Variants in RBM5 observed in about 807,000 individuals in gnomAD.
The protein encoded by RBM5 is RNA-binding protein 5.
RBM5 carries 15 observed loss-of-function variants against 124.6 expected under a neutral mutation model. That is an observed-to-expected ratio of 0.12 (90% CI 0.08 to 0.19). The LOEUF is 0.19. Ranked by LOEUF, RBM5 falls within the 10% of genes least tolerant of loss-of-function variation. The pLI, the probability that RBM5 is intolerant of heterozygous loss-of-function variation, is 1.00. For missense variants in RBM5, 580 were observed against 1,026.5 expected, an observed-to-expected ratio of 0.57 and a Z score of 5.94; for synonymous variants, 337 against 361.2, an observed-to-expected ratio of 0.93 and a Z score of 0.76.
chr3:50,095,547 C>T (rs1189513541), intron 4 of RBM5, among the ~76,000 whole-genome samples: 2 of 151,930 alleles, frequency 1.3e-5, no homozygotes, highest in African/African-American at 2.4e-5. Context: ...CCCTTCCTTC[C>T]AGCCACACCC....
intron 18 of RBM5, 111 bp downstream of exon 18, chr3:50,113,655 A>G: frequency 3.7e-5 from 45 of 1,221,908 alleles, no homozygotes; most frequent in Non-Finnish European, 5.0e-5. Flanking sequence ...TGGGCTTCAC[A>G]TTTTATTCAT....
intron 9 of RBM5, 103 bp downstream of exon 9, chr3:50,105,245 A>G (rs2091007362): frequency 7.4e-6 from 7 of 950,456 alleles, no homozygotes; most frequent in Admixed American, 7.0e-5. Flanking sequence ...TGTCTCTACT[A>G]AAAATACAAA....
chr3:50,092,333 G>A (rs1345039934), intron 3 of RBM5, 125 bp downstream of exon 3: 13 of 1,046,650 alleles, frequency 1.2e-5, no homozygotes, highest in Admixed American at 5.5e-5. Context: ...AGGCCAAGGC[G>A]GCCAGATCAC....
chr3:50,094,622 G>A (rs1173693154), intron 4 of RBM5, among the ~76,000 whole-genome samples: 1 of 152,116 alleles, frequency 6.6e-6, no homozygotes, highest in African/African-American at 2.4e-5. Flanking sequence ...GTAGCTGGCA[G>A]GTGCATGCCA....
intron 9 of RBM5, 40 bp downstream of exon 9, chr3:50,105,182 T>C (rs2091006301): frequency 1.4e-6 from 2 of 1,478,490 alleles, no homozygotes; most frequent in African/African-American, 1.4e-5. Flanking sequence ...ATGTTAAAAA[T>C]TGACCTCAGT....
intron 10 of RBM5, among the ~76,000 whole-genome samples, chr3:50,106,115 G>A (rs2091022716): frequency 9.8e-6 from 1 of 101,890 alleles, no homozygotes; most frequent in South Asian, 3.3e-4. Context: ...ACCACGCCCA[G>A]CTATTTTTTT....
At position 50,100,243 on chromosome 3, in the gene RBM5, C is replaced by CT. The variant is rs898117383; in HGVS notation, c.409+200dup. 2.2e-5 allele frequency: 13 copies of CT among 585,950 alleles called. No homozygotes were observed. Among genetic ancestry groups the CT allele is most frequent in the African/African-American group, 3.8e-5 (2 of 52,620 alleles). 36.3% of individuals were successfully genotyped at this position (585,950 alleles called of 1,614,324 possible). On this transcript the variant is annotated intron_variant, in intron 5 of 24. Transcript: ENST00000347869. The surrounding 1 kb of genome is among the most constrained non-coding windows in gnomAD (Gnocchi z 5.1). ...ACTTTTTTAAACTTTGTTTTAGGGA[C>CT]TTTTTTTTCCTTAGGTAAGTAATGA...
At chr3:50,105,824 T>A in intron 10 of RBM5, 115 bp downstream of exon 10, 1 of 1,151,394 alleles carries the variant, frequency 8.7e-7, no homozygotes, top group Non-Finnish European at 1.2e-6. Flanking sequence ...CAAGGCTCCC[T>A]AATGACAGTT....
rs1418656669 is a variant in RBM5, at chr3:50,118,317, CTG to C, written c.2323-11_2323-10del. ...TACCCTACCTCCCAGCTGACAGTCT[CTG>C]TGCTTTCCCAGGCTCAAGTTCGGCT... On this transcript the variant is annotated splice_polypyrimidine_tract_variant and intron_variant, in intron 24 of 24. Coordinates refer to ENST00000347869, the MANE Select transcript of RBM5 (RefSeq NM_005778.4). The C allele has an allele frequency of 1.2e-6, 2 of 1,613,926 alleles. No individual in the cohort carries two copies. The highest frequency in any genetic ancestry group is 4.5e-5 in the East Asian group (2 of 44,894).
At chr3:50,116,657 T>A in intron 22 of RBM5, 1 of 247,532 alleles carries the variant, frequency 4.0e-6, no homozygotes, top group Admixed American at 5.1e-5. Flanking sequence ...CCCCAGCGAC[T>A]GCTGAACAGG....
intron 11 of RBM5, chr3:50,107,107 T>G: frequency 1.5e-6 from 1 of 677,840 alleles, no homozygotes; most frequent in Non-Finnish European, 2.7e-6. Flanking sequence ...GCAGATGGGT[T>G]GAGAACACAT....
rs1181042155 is a variant in RBM5, at chr3:50,113,492, C to A, written c.1565C>A (p.Ala522Glu). The change falls in exon 18 of 25, where the codon GCA (alanine) becomes GAA (glutamate). Residue 522 changes from alanine (A) to glutamate (E), a missense_variant. Ala to Glu is a moderately radical substitution (Grantham distance 107, BLOSUM62 -1). This residue lies in a region of RBM5 where 234 missense variants were observed against 435.1 expected (regional missense o/e 0.54). Coordinates refer to ENST00000347869, the MANE Select transcript of RBM5 (RefSeq NM_005778.4). The stretch of plus-strand genomic sequence containing the variant: ...CACCAGCAGTCGGGCCTGCCTCCTG[C>A]AAAAGAGGGGAAAGAGAAGAAGGAG... Reference protein sequence around the residue: ...SSHQQSGLPPAKEGKEKKEKP... With the variant: ...SSHQQSGLPPEKEGKEKKEKP... 6.2e-7 allele frequency: 1 copy of A among 1,613,980 alleles called. No individual in the cohort carries two copies. The highest frequency in any genetic ancestry group is 8.5e-7 in the Non-Finnish European group (1 of 1,179,988).
chr3:50,105,734 T>C (rs1489897579), intron 10 of RBM5, 25 bp downstream of exon 10: 1 of 1,608,936 alleles, frequency 6.2e-7, no homozygotes, highest in Non-Finnish European at 8.5e-7. Context: ...GATTCTTTCC[T>C]TTTTAAAAGA....
At chr3:50,102,890 T>C in intron 6 of RBM5, 193 bp from the exon 7 acceptor site, 1 of 573,352 alleles carries the variant, frequency 1.7e-6, no homozygotes, top group South Asian at 2.1e-5. Flanking sequence ...CCGTTTACCT[T>C]TACTCCGCAT....
intron 14 of RBM5, 83 bp from the exon 15 acceptor site, chr3:50,109,520 G>T (rs757939989): frequency 1.9e-6 from 2 of 1,069,752 alleles, no homozygotes; most frequent in African/African-American, 3.1e-5. Context: ...GACAGAAGAA[G>T]GCTAGATTGG....
At chr3:50,104,828 C>A in intron 8 of RBM5, 1 of 419,032 alleles carries the variant, frequency 2.4e-6, no homozygotes, top group East Asian at 3.4e-5. Flanking sequence ...TAAGTCTGCT[C>A]ACCTGGTTTG....
chr3:50,109,603 G>A lies in RBM5; in HGVS notation c.1193G>A (p.Gly398Asp). 1 of 1,613,558 alleles carries A rather than the reference G, an allele frequency of 6.2e-7. No homozygotes were observed. Among genetic ancestry groups the A allele is most frequent in the Non-Finnish European group, 8.5e-7 (1 of 1,179,556 alleles). ...GLESDASSAS[G>D]TAVTTTSAAV... ...CCCTAACACTTGTGTTTATCATCAG[G>A]CACAGCAGTGACCACCACCTCAGCG... The change falls in exon 15 of 25, where the codon GGC becomes GAC. Residue 398 changes from glycine (G) to aspartate (D), a missense_variant and splice_region_variant. By Grantham distance (94) the Gly-to-Asp change is moderately conservative. Coordinates refer to ENST00000347869, the MANE Select transcript of RBM5 (RefSeq NM_005778.4).
chr3:50,105,839 CACTGCTA>C, intron 10 of RBM5, 130 bp downstream of exon 10: 2 of 978,258 alleles, frequency 2.0e-6, no homozygotes, highest in Non-Finnish European at 3.0e-6. Context: ...ACAGTTTTTG[CACTGCTA>C]AATTACAGGA....
At position 50,118,783 on chromosome 3, in the gene RBM5, G is replaced by T. The variant is rs1414187542; in HGVS notation, c.*327G>T. ...TCCATCAGCCCCTCACATTCCTAGG[G>T]GTTTGAGATGCTGTAGGTGGTATGT... On this transcript the variant is annotated 3_prime_UTR_variant, in exon 25 of 25. Coordinates refer to ENST00000347869, the MANE Select transcript of RBM5 (RefSeq NM_005778.4). The T allele has an allele frequency of 3.9e-6, 1 of 256,400 alleles. No homozygotes were observed. The highest frequency in any genetic ancestry group is 7.5e-6 in the Non-Finnish European group (1 of 132,700). The allele number at this position is 256,400 out of a possible 1,614,324, so 15.9% of individuals were successfully genotyped here.
Sources: allele counts gnomAD v4.1 joint callset (sites outside exome capture counted in the v4.1 genomes callset), GRCh38; gene constraint gnomAD v4.1.1; regional missense constraint gnomAD v4.1.1; non-coding constraint Gnocchi (gnomAD v3.1); transcripts MANE v1.5; gene names NCBI Gene and HGNC (gene_info 2026-07-23, HGNC 2026-07-21).